The following ELP1 variants were observed in gnomAD, a reference collection of about 807,000 sequenced individuals.
ELP1 encodes the protein elongator acetyltransferase complex subunit 1.
In ELP1, 131 loss-of-function variants were observed where a neutral mutation model predicts 183.2. That is an observed-to-expected ratio of 0.72 (90% CI 0.62 to 0.83). The LOEUF (loss-of-function observed/expected upper bound fraction) is 0.83. Ranked by LOEUF, ELP1 falls within the 40% of genes least tolerant of loss-of-function variation. The probability of loss-of-function intolerance (pLI) is 0.00; values close to 1 mark genes in which losing one functional copy is unlikely to be tolerated. For missense variants in ELP1, 1,550 were observed against 1,594.9 expected (o/e 0.97, Z 0.48); for synonymous variants, 555 against 569.0 (o/e 0.98, Z 0.35).
intron 31 of ELP1, among the ~76,000 whole-genome samples, chr9:108,880,539 C>G (rs914423974): frequency 1.1e-4 from 17 of 152,282 alleles, no homozygotes; most frequent in African/African-American, 4.1e-4. Context: ...CTAAATGTTT[C>G]TGGCTAAACA....
intron 29 of ELP1, among the ~76,000 whole-genome samples, chr9:108,888,383 G>A (rs12341419): frequency 0.13 from 19,989 of 152,110 alleles, 1,586 homozygotes; most frequent in African/African-American, 0.21. Context: ...TAAAATTGGT[G>A]AATTAGCTTT....
At chr9:108,907,703 TTTTA>T (rs1206301072) in intron 13 of ELP1, among the ~76,000 whole-genome samples, 2 of 152,242 alleles carry the variant, frequency 1.3e-5, no homozygotes, top group Non-Finnish European at 2.9e-5. Context: ...CACTTTGTTT[TTTTA>T]ATCTGTAAGT....
rs111650724 is a variant in ELP1, at chr9:108,930,048, T to C, written c.151-127A>G. 1.9e-5 allele frequency: 21 copies of C among 1,105,728 alleles called. No individual in the cohort carries two copies. In the African/African-American group the frequency reaches 2.2e-4, roughly 12 times the overall value. The allele number at this position is 1,105,728 out of a possible 1,614,324, so 68.5% of individuals were successfully genotyped here. ...AGCTTTCAAAAATATTTTTTCTAGA[T>C]GAAAATCCAAACTTTCATTTGAGAA... On this transcript the variant is annotated intron_variant, in intron 2 of 36. Coordinates refer to ENST00000374647, the MANE Select transcript of ELP1 (RefSeq NM_003640.5).
In ELP1 at chr9:108,896,832, T is replaced by C; in HGVS notation, c.2587+121A>G. 9 of 1,104,336 alleles carry C rather than the reference T, an allele frequency of 8.1e-6. No homozygotes were observed. In the East Asian group the frequency reaches 2.2e-4, roughly 26 times the overall value. 68.4% of individuals were successfully genotyped at this position (1,104,336 alleles called of 1,614,324 possible). On this transcript the variant is annotated intron_variant, in intron 24 of 36. Transcript: ENST00000374647. ...AAAAAAACTGACAAGGGTCTTAAAA[T>C]GGCAACTAAAAAGTCACATGTTAAA... is the stretch of plus-strand genomic sequence containing the variant.
At position 108,922,886 on chromosome 9, in the gene ELP1, A is replaced by C; in HGVS notation, c.508T>G (p.Phe170Val). 1 of 1,614,096 alleles carries C rather than the reference A, an allele frequency of 6.2e-7. No homozygotes were observed. The highest frequency in any genetic ancestry group is 1.3e-5 in the African/African-American group (1 of 75,050). Residue 170 changes from phenylalanine to valine, a missense_variant, in exon 6 of 37, where the codon TTC becomes GTC. Transcript: ENST00000374647. ...TVGWGRKETQ[F>V]HGSEGRQAAF... ...GCTTGTCTGCCTTCTGATCCATGGA[A>C]CTGTGTCTCCTTCCTACCCCATCCA... is the stretch of plus-strand genomic sequence containing the variant.
Position 108,867,736 on chromosome 9 carries a change from T to C in ELP1, c.*1379A>G, listed in dbSNP as rs996181236. 2 of 152,362 alleles carry C rather than the reference T, an allele frequency of 1.3e-5. No individual in the cohort carries two copies. The highest frequency in any genetic ancestry group is 1.3e-4 in the Admixed American group (2 of 15,304). 9.4% of individuals were successfully genotyped at this position (152,362 alleles called of 1,614,324 possible). A position where few individuals can be genotyped will look rare whatever the true frequency, so the allele number is the denominator to read the frequency against. On this transcript the variant is annotated 3_prime_UTR_variant, in exon 37 of 37. Coordinates refer to ENST00000374647, the MANE Select transcript of ELP1 (RefSeq NM_003640.5). ...GATTTCTCCAAAGCAAAGTATATCT[T>C]CTTTCTCTTCTTTTTAAAAACTCCT...
At chr9:108,911,774 T>C (rs1037135855) in intron 11 of ELP1, among the ~76,000 whole-genome samples, 1 of 151,702 alleles carries the variant, frequency 6.6e-6, no homozygotes, top group Non-Finnish European at 1.5e-5. Flanking sequence ...AAAAACCTTC[T>C]ACCTCATTAT....
chr9:108,898,133 T>C (rs1277023016), intron 22 of ELP1, among the ~76,000 whole-genome samples: 2 of 152,230 alleles, frequency 1.3e-5, no homozygotes, highest in Admixed American at 1.3e-4. Context: ...ATAGGTTGCT[T>C]ACTGGACAAT....
intron 1 of ELP1, 58 bp from the exon 2 acceptor site, chr9:108,931,259 T>C (rs905992622): frequency 3.6e-6 from 4 of 1,125,318 alleles, no homozygotes; most frequent in African/African-American, 3.1e-5. Context: ...TTAAATGAAA[T>C]GATTCAGGGG....
chr9:108,896,719 A>G lies in ELP1; in HGVS notation c.2588-75T>C, dbSNP rs1828562409. Reference sequence around the variant, plus strand: ...TCCACAGACCTAACAACATAACCAAAAAGACAATAAATTTTTCTCAATAGA... The same window carrying G: ...TCCACAGACCTAACAACATAACCAAGAAGACAATAAATTTTTCTCAATAGA... On this transcript the variant is annotated intron_variant, in intron 24 of 36. Coordinates refer to ENST00000374647, the MANE Select transcript of ELP1 (RefSeq NM_003640.5). 2.8e-6 allele frequency: 4 copies of G among 1,413,560 alleles called. No homozygotes were observed. The Admixed American group carries it at 6.7e-5, about 24-fold the overall frequency. 87.6% of individuals were successfully genotyped at this position (1,413,560 alleles called of 1,614,324 possible).
At chr9:108,928,650 C>T (rs1829896382) in intron 3 of ELP1, among the ~76,000 whole-genome samples, 1 of 152,090 alleles carries the variant, frequency 6.6e-6, no homozygotes, top group African/African-American at 2.4e-5. Flanking sequence ...TGGGCTCTAC[C>T]TTTCAGACAA....
intron 36 of ELP1, among the ~76,000 whole-genome samples, chr9:108,870,544 G>C (rs939044725): frequency 7.9e-5 from 12 of 152,200 alleles, no homozygotes; most frequent in Admixed American, 3.9e-4. Context: ...AAGTGGAGGG[G>C]TTGGTCTTGC....
chr9:108,881,801 A>G (rs1827940793), intron 30 of ELP1, 36 bp from the exon 31 acceptor site: 1 of 1,151,080 alleles, frequency 8.7e-7, no homozygotes, highest in Admixed American at 1.7e-5. Flanking sequence ...AGGAAGGAAA[A>G]CTTCTAGTCA....
intron 1 of ELP1, 74 bp from the exon 2 acceptor site, chr9:108,931,275 G>C: frequency 1.0e-6 from 1 of 976,400 alleles, no homozygotes; most frequent in East Asian, 2.5e-5. Flanking sequence ...AGGGGGTGAA[G>C]AAGTGGTAGT....
intron 25 of ELP1, among the ~76,000 whole-genome samples, chr9:108,895,481 G>A: frequency 6.6e-6 from 1 of 152,166 alleles, no homozygotes; most frequent in Middle Eastern, 3.2e-3. Context: ...ACCAAGGCAT[G>A]TGGTGGTGAG....
intron 36 of ELP1, among the ~76,000 whole-genome samples, chr9:108,869,765 G>A (rs999413963): frequency 1.3e-5 from 2 of 152,106 alleles, no homozygotes; most frequent in Non-Finnish European, 2.9e-5. Context: ...GATTTGTTAA[G>A]TTTCTTTTCT....
intron 34 of ELP1, 136 bp downstream of exon 34, chr9:108,878,487 C>A: frequency 8.7e-7 from 1 of 1,147,880 alleles, no homozygotes; most frequent in South Asian, 1.2e-5. Context: ...GCAGACATGA[C>A]CCTTCCTGCT....
rs143674809 is a variant in ELP1, at chr9:108,874,894, C to A, written c.3931+1G>T. 35 of 1,595,594 alleles carry A rather than the reference C, an allele frequency of 2.2e-5. No homozygotes were observed. The African/African-American group carries it at 4.6e-4, about 21-fold the overall frequency. ...AATATTAAATGAGAAAAAATACTAA[C>A]CAAGAACAGGAACCGAAGTCTTCTG... is the stretch of plus-strand genomic sequence containing the variant. On this transcript the variant is annotated splice_donor_variant, in intron 36 of 36. Transcript: ENST00000374647. LOFTEE classifies it high-confidence loss of function.
At chr9:108,879,967 C>A (rs1013640750) in intron 32 of ELP1, 85 bp downstream of exon 32, 3 of 884,458 alleles carry the variant, frequency 3.4e-6, no homozygotes, top group South Asian at 1.3e-5. Context: ...AGATTGCAGG[C>A]GGATCACCAA....
Sources: allele counts gnomAD v4.1 joint callset (sites outside exome capture counted in the v4.1 genomes callset), GRCh38; gene constraint gnomAD v4.1.1; transcripts MANE v1.5; gene names NCBI Gene and HGNC (gene_info 2026-07-23, HGNC 2026-07-21).